The following ARHGAP39 variants were observed in gnomAD, a reference collection of about 807,000 sequenced individuals.
ARHGAP39 encodes Rho GTPase activating protein 39, also known as rho GTPase-activating protein 39.
ARHGAP39 carries 44 observed loss-of-function variants against 106.9 expected under a neutral mutation model. That is an observed-to-expected ratio of 0.41 (90% CI 0.32 to 0.53). The LOEUF (loss-of-function observed/expected upper bound fraction) is 0.53, where lower values mean the gene tolerates loss of function less well. ARHGAP39 is among the 20% of genes least tolerant of loss of function. The probability of loss-of-function intolerance (pLI) is 0.21; values close to 1 mark genes in which losing one functional copy is unlikely to be tolerated. For missense variants in ARHGAP39, 1,496 were observed against 1,577.3 expected (o/e 0.95, Z 0.87); for synonymous variants, 768 against 693.2 (o/e 1.11, Z -1.69).
intron 4 of ARHGAP39, among the ~76,000 whole-genome samples, chr8:144,552,602 C>T (rs116137431): frequency 8.9e-4 from 135 of 152,298 alleles, no homozygotes; most frequent in African/African-American, 3.0e-3. Flanking sequence ...CCTGCCAGGG[C>T]GACCCCACTG....
At chr8:144,590,941 C>T (rs1819369666) in intron 2 of ARHGAP39, among the ~76,000 whole-genome samples, 1 of 152,212 alleles carries the variant, frequency 6.6e-6, no homozygotes. Flanking sequence ...AGGCCATTCT[C>T]CACGCTGAAG....
chr8:144,615,932 G>A (rs1356280916), intron 1 of ARHGAP39, among the ~76,000 whole-genome samples: 2 of 152,250 alleles, frequency 1.3e-5, no homozygotes, highest in Non-Finnish European at 2.9e-5. Flanking sequence ...AGGTTGAGGG[G>A]TTTAGAGCTG....
Position 144,548,030 on chromosome 8 carries a change from C to T in ARHGAP39, c.1056G>A (p.Lys352=). Residue 352 remains lysine (K), a synonymous_variant, in exon 5 of 12, where the codon AAG becomes AAA. Coordinates refer to ENST00000377307, the MANE Select transcript of ARHGAP39 (RefSeq NM_025251.3). This position sits in a 1 kb window ranked among gnomAD's most constrained non-coding sequence, Gnocchi z 7.4. ...TGTTGGGCTGGAGGAACGGCCGGGG[C>T]TTACGGCCCGGCGACCGCTGGGGAG... ...AGSPQRSPGR[K]PRPFLQPNKQ... The T allele has an allele frequency of 6.2e-7, 1 of 1,606,388 alleles. No individual in the cohort carries two copies. Among genetic ancestry groups the T allele is most frequent in the Non-Finnish European group, 8.5e-7 (1 of 1,177,480 alleles).
chr8:144,600,901 G>A (rs921709760), intron 2 of ARHGAP39, among the ~76,000 whole-genome samples: 49 of 150,038 alleles, frequency 3.3e-4, no homozygotes, highest in Middle Eastern at 3.6e-3. Flanking sequence ...GTGCGTGTGC[G>A]TGGTGTGTGC....
chr8:144,607,572 C>T (rs1004175773), intron 1 of ARHGAP39, among the ~76,000 whole-genome samples: 6 of 152,212 alleles, frequency 3.9e-5, no homozygotes, highest in African/African-American at 9.7e-5. Context: ...GCCCCCACCC[C>T]GCCCCCCAGG....
intron 2 of ARHGAP39, among the ~76,000 whole-genome samples, chr8:144,590,207 T>C (rs117531836): frequency 0.027 from 4,080 of 152,262 alleles, 96 homozygotes; most frequent in Admixed American, 0.066. Flanking sequence ...AAGATGCCAT[T>C]GACACTGTGC....
chr8:144,644,836 C>T lies in ARHGAP39; in HGVS notation c.-81-39141G>A, dbSNP rs1821403147. ...ACCAAACCCAAGCCCTGTACCTTCA[C>T]CCTACACCTGAGCCCCTTCCTCAGG... is the stretch of plus-strand genomic sequence containing the variant. On this transcript the variant is annotated intron_variant, in intron 1 of 11. Transcript: ENST00000377307. The surrounding 1 kb of genome is among the most constrained non-coding windows in gnomAD (Gnocchi z 4.8). Among the ~76,000 whole-genome samples the T allele has an allele frequency of 1.3e-5, 2 of 152,256 alleles. No homozygotes were observed. Among genetic ancestry groups the T allele is most frequent in the African/African-American group, 2.4e-5 (1 of 41,460 alleles).
At position 144,556,099 on chromosome 8, in the gene ARHGAP39, C is replaced by T. The variant is rs550763380; in HGVS notation, c.513-456G>A. Among the ~76,000 whole-genome samples the T allele has an allele frequency of 4.6e-3, 699 of 152,212 alleles. 3 individuals are homozygous for T. The highest frequency in any genetic ancestry group is 7.3e-3 in the Non-Finnish European group (496 of 67,990). ...AGGAGATCGAGACCATCCTGGCTAA[C>T]ATGGTGAAACCCCGTCTCTACTAAA... is the stretch of plus-strand genomic sequence containing the variant. On this transcript the variant is annotated intron_variant, in intron 3 of 11. Transcript: ENST00000377307.
chr8:144,530,137 G>C lies in ARHGAP39; in HGVS notation c.*285C>G. 1 of 461,388 alleles carries C rather than the reference G, an allele frequency of 2.2e-6. No individual in the cohort carries two copies. Among genetic ancestry groups the C allele is most frequent in the East Asian group, 3.9e-5 (1 of 25,406 alleles). 28.6% of individuals were successfully genotyped at this position (461,388 alleles called of 1,614,324 possible). A position where few individuals can be genotyped will look rare whatever the true frequency, so the allele number is the denominator to read the frequency against. ...GTCGCTCGGCTCCAGGACACAGAAG[G>C]CACTTTCTCGGAGCTGACCCGCGGC... On this transcript the variant is annotated 3_prime_UTR_variant, in exon 12 of 12. Transcript: ENST00000377307.
At chr8:144,663,899 G>A (rs569876138) in intron 1 of ARHGAP39, among the ~76,000 whole-genome samples, 1 of 152,238 alleles carries the variant, frequency 6.6e-6, no homozygotes, top group Non-Finnish European at 1.5e-5. Flanking sequence ...AGGTGCAGTG[G>A]CTCATGCCTG....
intron 1 of ARHGAP39, among the ~76,000 whole-genome samples, chr8:144,648,067 G>A (rs1442288072): frequency 1.3e-5 from 2 of 152,206 alleles, no homozygotes; most frequent in Admixed American, 6.5e-5. Flanking sequence ...CTCAGAGGTT[G>A]GGCTGGAAAA....
chr8:144,591,767 C>T lies in ARHGAP39; in HGVS notation c.81-10490G>A, dbSNP rs747066523. On this transcript the variant is annotated intron_variant, in intron 2 of 11. Coordinates refer to ENST00000377307, the MANE Select transcript of ARHGAP39 (RefSeq NM_025251.3). This position sits in a 1 kb window ranked among gnomAD's most constrained non-coding sequence, Gnocchi z 5.3. ...GGACCACATGGACGCAGGTCAAACG[C>T]GGTGAGCAGTGAGGTGCCCTCGGCA... is the stretch of plus-strand genomic sequence containing the variant. Among the ~76,000 whole-genome samples the T allele has an allele frequency of 2.0e-4, 31 of 152,222 alleles. No homozygotes were observed. The highest frequency in any genetic ancestry group is 3.8e-4 in the Non-Finnish European group (26 of 68,034).
chr8:144,681,309 G>A (rs1450747157), intron 1 of ARHGAP39, among the ~76,000 whole-genome samples: 2 of 152,196 alleles, frequency 1.3e-5, no homozygotes, highest in African/African-American at 2.4e-5. Context: ...GGCCAGGCAG[G>A]GTAGTCCAGC....
intron 3 of ARHGAP39, among the ~76,000 whole-genome samples, chr8:144,571,090 C>G (rs1184561768): frequency 6.6e-6 from 1 of 152,136 alleles, no homozygotes; most frequent in Non-Finnish European, 1.5e-5. Context: ...TGAAACTATT[C>G]CAATCAACAG....
At chr8:144,549,082 G>A (rs1817597306) in intron 4 of ARHGAP39, among the ~76,000 whole-genome samples, 1 of 152,260 alleles carries the variant, frequency 6.6e-6, no homozygotes, top group African/African-American at 2.4e-5. Flanking sequence ...AGAGTCCCCG[G>A]AGTCACGCTG....
intron 3 of ARHGAP39, among the ~76,000 whole-genome samples, chr8:144,569,541 C>T (rs1229795657): frequency 1.3e-5 from 2 of 152,168 alleles, no homozygotes; most frequent in Non-Finnish European, 2.9e-5. Context: ...GTGCATACTG[C>T]TTGAGTCCTT....
intron 1 of ARHGAP39, among the ~76,000 whole-genome samples, chr8:144,617,805 A>G (rs970595994): frequency 6.6e-6 from 1 of 152,056 alleles, no homozygotes; most frequent in Non-Finnish European, 1.5e-5. Context: ...TTTTTGAGGC[A>G]GGGTCTTGCT....
rs144031051 is a variant in ARHGAP39 at position 144,547,217 on chromosome 8, C to T, written c.1869G>A (p.Glu623=). The change falls in exon 5 of 12, where the codon GAG becomes GAA. Residue 623 remains glutamate (E), a synonymous_variant. Coordinates refer to ENST00000377307, the MANE Select transcript of ARHGAP39 (RefSeq NM_025251.3). The surrounding 1 kb of genome is among the most constrained non-coding windows in gnomAD (Gnocchi z 5.2). ...ENRHWRRGTF[E]KLGFPQILLE... Reference sequence around the variant, plus strand: ...GCAGGATCTGGGGGAAGCCTAGCTTCTCGAAGGTGCCCCTCCTCCAGTGCC... The same window carrying T: ...GCAGGATCTGGGGGAAGCCTAGCTTTTCGAAGGTGCCCCTCCTCCAGTGCC... The T allele has an allele frequency of 1.6e-4, 263 of 1,612,574 alleles. No individual in the cohort carries two copies. Among genetic ancestry groups the T allele is most frequent in the Admixed American group, 1.2e-3 (73 of 59,992 alleles).
At chr8:144,605,948 C>A (rs1041640862) in intron 1 of ARHGAP39, 9 of 357,804 alleles carry the variant, frequency 2.5e-5, no homozygotes, top group Middle Eastern at 8.1e-4. Context: ...CCATGCCAGT[C>A]TGAGACACCA....
Sources: gnomAD v4.1 joint callset for allele counts (sites outside exome capture counted in the v4.1 genomes callset) on GRCh38, gnomAD v4.1.1 for gene constraint, Gnocchi (gnomAD v3.1) non-coding constraint, MANE v1.5 for transcripts, NCBI Gene and HGNC (gene_info 2026-07-23, HGNC 2026-07-21) for gene names.